Variants in SPDYE3 observed in about 807,000 individuals in gnomAD.
SPDYE3 encodes the protein speedy protein E3.
Under a neutral mutation model 55.0 loss-of-function variants are expected in SPDYE3, and 15 were observed. That is an observed-to-expected ratio of 0.27 (90% CI 0.18 to 0.42). The LOEUF (loss-of-function observed/expected upper bound fraction) is 0.42. Ranked by LOEUF, SPDYE3 falls within the 10% of genes least tolerant of loss-of-function variation. The pLI, the probability that SPDYE3 is intolerant of heterozygous loss-of-function variation, is 1.00. For missense variants in SPDYE3, 236 were observed against 576.7 expected, an observed-to-expected ratio of 0.41 and a Z score of 6.05; for synonymous variants, 89 against 229.9, an observed-to-expected ratio of 0.39 and a Z score of 5.55.
chr7:100,311,123 A>AAG (rs1223057224), intron 3 of SPDYE3, among the ~76,000 whole-genome samples: 1 of 111,762 alleles, frequency 8.9e-6, no homozygotes, highest in Non-Finnish European at 1.8e-5. Context: ...AAAAAAAAAA[A>AAG]AAGAAGAAGA....
At chr7:100,308,079 CA>C (rs974863456) in intron 1 of SPDYE3, 88 bp downstream of exon 1, 1 of 1,434,526 alleles carries the variant, frequency 7.0e-7, no homozygotes, top group African/African-American at 1.4e-5. Flanking sequence ...CCTGTAACAC[CA>C]ACACTTTGGG....
At chr7:100,318,556 T>C (rs979892840) in intron 8 of SPDYE3, among the ~76,000 whole-genome samples, 3 of 152,190 alleles carry the variant, frequency 2.0e-5, no homozygotes, top group Non-Finnish European at 4.4e-5. Context: ...CCACAGCCTC[T>C]GTGATGCCTT....
At chr7:100,319,364 T>C (rs1300526076) in intron 8 of SPDYE3, among the ~76,000 whole-genome samples, 1 of 152,184 alleles carries the variant, frequency 6.6e-6, no homozygotes, top group Non-Finnish European at 1.5e-5. Context: ...TGGGTTTTTG[T>C]CTCCATCCTG....
chr7:100,315,424 G>A (rs564159362), intron 6 of SPDYE3, among the ~76,000 whole-genome samples: 2 of 152,256 alleles, frequency 1.3e-5, no homozygotes, highest in African/African-American at 4.8e-5. Flanking sequence ...CCATAGTGGG[G>A]GATACCAAGG....
At chr7:100,308,664 G>C (rs1463938360) in intron 1 of SPDYE3, among the ~76,000 whole-genome samples, 2 of 151,454 alleles carry the variant, frequency 1.3e-5, no homozygotes, top group African/African-American at 4.9e-5. Context: ...AGCTGAGATT[G>C]TACCACTACA....
At chr7:100,320,285 T>G (rs534740476) in intron 10 of SPDYE3, 1 of 1,093,684 alleles carries the variant, frequency 9.1e-7, no homozygotes, top group East Asian at 3.3e-5. Context: ...GCCACTGCAC[T>G]CCAGCCGGGG....
In SPDYE3 at chr7:100,317,845, G is replaced by A. The variant is rs543081376; in HGVS notation, c.1346+690G>A. ...CAAAAAATTAGCCAGGTGTGGTGGC[G>A]GGCACCTGTAGTCCCAGCTACTCGG... On this transcript the variant is annotated intron_variant, in intron 8 of 10. Transcript: ENST00000332397. Among the ~76,000 whole-genome samples, 164 of 150,374 alleles carry A rather than the reference G, an allele frequency of 1.1e-3. 1 individual carries two copies. The highest frequency in any genetic ancestry group is 1.8e-3 in the Non-Finnish European group (123 of 67,560).
rs1375715609 is a variant in SPDYE3, at chr7:100,321,998, T to C, written c.*1153T>C. 6.6e-6 allele frequency: 1 copy of C among 151,644 alleles called. No individual in the cohort carries two copies. The highest frequency in any genetic ancestry group is 1.5e-5 in the Non-Finnish European group (1 of 67,884). 9.4% of individuals were successfully genotyped at this position (151,644 alleles called of 1,614,324 possible). ...TATAACTGTTATATACACATAAATA[T>C]AATTTTGTTTTCCTTTTTAAGAGAG... On this transcript the variant is annotated 3_prime_UTR_variant, in exon 11 of 11. Coordinates refer to ENST00000332397, the MANE Select transcript of SPDYE3 (RefSeq NM_001004351.5).
Position 100,308,131 on chromosome 7 carries a change from A to G in SPDYE3, c.106+140A>G, listed in dbSNP as rs1406290585. 25 of 1,162,938 alleles carry G rather than the reference A, an allele frequency of 2.1e-5. No individual in the cohort carries two copies. In the Admixed American group the frequency reaches 6.0e-4, roughly 28 times the overall value. The allele number at this position is 1,162,938 out of a possible 1,614,324, so 72.0% of individuals were successfully genotyped here. ...GATCACCTGAGGTCAGCAGTTCAAGACCAGCCTGGCCAACATGGTGAAACC... is the reference window on the plus strand; with the variant it reads ...GATCACCTGAGGTCAGCAGTTCAAGGCCAGCCTGGCCAACATGGTGAAACC... On this transcript the variant is annotated intron_variant, in intron 1 of 10. Transcript: ENST00000332397.
At chr7:100,308,331 A>C (rs1356289319) in intron 1 of SPDYE3, among the ~76,000 whole-genome samples, 5 of 129,522 alleles carry the variant, frequency 3.9e-5, no homozygotes, top group Admixed American at 1.5e-4. Flanking sequence ...ACGCTGTCTC[A>C]AAAAAAAAAA....
Position 100,308,107 on chromosome 7 carries a change from A to G in SPDYE3, c.106+116A>G, listed in dbSNP as rs376166471. ...CACTTTGGGAGGCCGAGGCGGGCAG[A>G]TCACCTGAGGTCAGCAGTTCAAGAC... On this transcript the variant is annotated intron_variant, in intron 1 of 10. Coordinates refer to ENST00000332397, the MANE Select transcript of SPDYE3 (RefSeq NM_001004351.5). 40 of 1,329,352 alleles carry G rather than the reference A, an allele frequency of 3.0e-5. 1 individual carries two copies. In the South Asian group the frequency reaches 4.3e-4, roughly 14 times the overall value. The allele number at this position is 1,329,352 out of a possible 1,614,324, so 82.3% of individuals were successfully genotyped here.
intron 6 of SPDYE3, among the ~76,000 whole-genome samples, chr7:100,314,969 T>C (rs1806062629): frequency 6.9e-6 from 1 of 145,542 alleles, no homozygotes; most frequent in African/African-American, 2.5e-5. Context: ...AGCTTGGTTT[T>C]GGGCCAGGCG....
Position 100,307,932 on chromosome 7 carries a change from G to C in SPDYE3, c.47G>C (p.Arg16Pro), listed in dbSNP as rs771045396. 6.9e-6 allele frequency: 11 copies of C among 1,583,606 alleles called. No individual in the cohort carries two copies. Among genetic ancestry groups the C allele is most frequent in the East Asian group, 4.5e-5 (2 of 44,426 alleles). ...PQPQEEQSPQ[R>P]STSGYPLQEV... ...CCCCAGGAAGAGCAGAGCCCCCAGC[G>C]GAGCACCTCAGGGTACCCCCTCCAG... The change falls in exon 1 of 11, where the codon CGG (arginine) becomes CCG (proline). Residue 16 changes from arginine to proline, a missense_variant. Physicochemically the swap from Arg to Pro is moderately radical, Grantham distance 103. Transcript: ENST00000332397.
At position 100,316,266 on chromosome 7, in the gene SPDYE3, G is replaced by C. The variant is rs549187708; in HGVS notation, c.1260+423G>C. Reference sequence around the variant, plus strand: ...GATTACAGACGTCAGCACTGTGTCCGACCAGCTCCCATGGTCTTGAGTCTT... The same window carrying C: ...GATTACAGACGTCAGCACTGTGTCCCACCAGCTCCCATGGTCTTGAGTCTT... On this transcript the variant is annotated intron_variant, in intron 7 of 10. Coordinates refer to ENST00000332397, the MANE Select transcript of SPDYE3 (RefSeq NM_001004351.5). 9.9e-5 allele frequency among the ~76,000 whole-genome samples: 15 copies of C among 152,204 alleles called. No homozygotes were observed. In the South Asian group the frequency reaches 2.9e-3, roughly 29 times the overall value.
At position 100,307,927 on chromosome 7, in the gene SPDYE3, C is replaced by A. The variant is rs1356356473; in HGVS notation, c.42C>A (p.Pro14=). The change falls in exon 1 of 11, where the codon CCC becomes CCA. Residue 14 remains proline (P), a synonymous_variant. Coordinates refer to ENST00000332397, the MANE Select transcript of SPDYE3 (RefSeq NM_001004351.5). The part of the protein sequence containing the change: ...HQPQPQEEQS[P]QRSTSGYPLQ... The stretch of plus-strand genomic sequence containing the variant: ...CGCAGCCCCAGGAAGAGCAGAGCCC[C>A]CAGCGGAGCACCTCAGGGTACCCCC... 5 of 1,584,950 alleles carry A rather than the reference C, an allele frequency of 3.2e-6. No individual in the cohort carries two copies. The highest frequency in any genetic ancestry group is 4.3e-6 in the Non-Finnish European group (5 of 1,173,874).
rs1399961853 is a variant in SPDYE3, at chr7:100,307,857, G to A, written c.-29G>A. ...AAGGACAGAACAGAGACTAGCTTCGGTGAGATTGGACAGATTTTGGGAAAG... is the reference window on the plus strand; with the variant it reads ...AAGGACAGAACAGAGACTAGCTTCGATGAGATTGGACAGATTTTGGGAAAG... On this transcript the variant is annotated 5_prime_UTR_variant, in exon 1 of 11. In the 5' UTR this introduces an upstream ATG that the reference lacks. Coordinates refer to ENST00000332397, the MANE Select transcript of SPDYE3 (RefSeq NM_001004351.5). 1 of 1,555,594 alleles carries A rather than the reference G, an allele frequency of 6.4e-7. No homozygotes were observed. Among genetic ancestry groups the A allele is most frequent in the Non-Finnish European group, 8.6e-7 (1 of 1,158,478 alleles).
rs537324594 is a variant in SPDYE3, at chr7:100,320,104, T to C, written c.*45+69T>C. 6.9e-4 allele frequency: 1,086 copies of C among 1,566,328 alleles called. 7 individuals carry two copies. Among genetic ancestry groups the C allele is most frequent in the Middle Eastern group, 2.1e-3 (9 of 4,332 alleles). On this transcript the variant is annotated intron_variant, in intron 10 of 10. Coordinates refer to ENST00000332397, the MANE Select transcript of SPDYE3 (RefSeq NM_001004351.5). ...ATTTCGGAAATCCAAGGAACCCAAT[T>C]GCTTGATCTGGCTTCAAGCCTCGGC... is the stretch of plus-strand genomic sequence containing the variant.
chr7:100,317,339 CTCAG>C (rs1352519540), intron 8 of SPDYE3, among the ~76,000 whole-genome samples, 184 bp downstream of exon 8: 141 of 152,336 alleles, frequency 9.3e-4, no homozygotes, highest in African/African-American at 3.3e-3. Context: ...GGCATGGTGG[CTCAG>C]GCCTGTAATC....
chr7:100,307,842 C>T lies in SPDYE3; in HGVS notation c.-44C>T. 2 of 1,540,454 alleles carry T rather than the reference C, an allele frequency of 1.3e-6. No homozygotes were observed. The highest frequency in any genetic ancestry group is 1.7e-6 in the Non-Finnish European group (2 of 1,149,498). On this transcript the variant is annotated 5_prime_UTR_variant, in exon 1 of 11. Coordinates refer to ENST00000332397, the MANE Select transcript of SPDYE3 (RefSeq NM_001004351.5). ...GTCCAGAAGAAGACCAAGGACAGAA[C>T]AGAGACTAGCTTCGGTGAGATTGGA...
Sources: allele counts gnomAD v4.1 joint callset (sites outside exome capture counted in the v4.1 genomes callset), GRCh38; gene constraint gnomAD v4.1.1; transcripts MANE v1.5; gene names NCBI Gene and HGNC (gene_info 2026-07-23, HGNC 2026-07-21).